The following SNTG1 variants were observed in gnomAD, a reference collection of about 807,000 sequenced individuals.
SNTG1 encodes the protein syntrophin gamma 1, also known as gamma-1-syntrophin.
Under a neutral mutation model 74.7 loss-of-function variants are expected in SNTG1, and 39 were observed. The observed-to-expected ratio is 0.52, with a 90% CI of 0.40 to 0.68. SNTG1 has a LOEUF of 0.68. SNTG1 is among the 30% of genes least tolerant of loss of function. SNTG1 has a pLI of 0.00. For synonymous variants in SNTG1, 254 were observed against 217.1 expected, an observed-to-expected ratio of 1.17 and a Z score of -1.49; for missense variants, 685 against 609.5, an observed-to-expected ratio of 1.12 and a Z score of -1.30.
chr8:50,566,291 T>TC (rs1293059735), intron 12 of SNTG1, among the ~76,000 whole-genome samples: 1 of 151,888 alleles, frequency 6.6e-6, no homozygotes, highest in African/African-American at 2.4e-5. Flanking sequence ...CTGCATATAG[T>TC]CCCAAAACAA....
At position 50,621,323 on chromosome 8, in the gene SNTG1, C is replaced by G. The variant is rs142950200; in HGVS notation, c.849+30406C>G. ...CCACATGGCTGGGCTGTCACTACCC[C>G]AAGATACGGCCTTACAAGCACAAAG... On this transcript the variant is annotated intron_variant, in intron 13 of 18. Coordinates refer to ENST00000642720, the MANE Select transcript of SNTG1 (RefSeq NM_018967.5). Among the ~76,000 whole-genome samples, 830 of 152,194 alleles carry G rather than the reference C, an allele frequency of 5.5e-3. 7 individuals are homozygous for G. The highest frequency in any genetic ancestry group is 0.019 in the African/African-American group (777 of 41,516).
chr8:49,966,439 G>A (rs575794125), intron 1 of SNTG1, among the ~76,000 whole-genome samples: 21 of 150,004 alleles, frequency 1.4e-4, no homozygotes, highest in Non-Finnish European at 2.7e-4. Context: ...CTGTTCCTCA[G>A]GCTTGAGTGC....
chr8:50,083,218 T>G, intron 1 of SNTG1, among the ~76,000 whole-genome samples: 1 of 152,230 alleles, frequency 6.6e-6, no homozygotes, highest in East Asian at 1.9e-4. Flanking sequence ...TTATGACTTT[T>G]GTTAAATCCC....
chr8:50,087,928 C>A (rs1369105611), intron 1 of SNTG1, among the ~76,000 whole-genome samples: 1 of 108,824 alleles, frequency 9.2e-6, no homozygotes, highest in Admixed American at 1.1e-4. Flanking sequence ...TTATCCCTCC[C>A]CCCTCCCCCC....
chr8:49,910,437 C>A (rs1349439869), upstream of SNTG1, among the ~76,000 whole-genome samples: 1 of 152,200 alleles, frequency 6.6e-6, no homozygotes, highest in Non-Finnish European at 1.5e-5. Flanking sequence ...CAGTCTCGCT[C>A]TTTCCATTTT....
At chr8:50,090,040 G>T (rs1016102322) in intron 1 of SNTG1, among the ~76,000 whole-genome samples, 1 of 152,234 alleles carries the variant, frequency 6.6e-6, no homozygotes, top group East Asian at 1.9e-4. Flanking sequence ...GGCTAGGGCC[G>T]TAAGAGTGTC....
Position 49,916,207 on chromosome 8 carries a change from AC to A in SNTG1, c.-103+3977del, listed in dbSNP as rs1450373173. Among the ~76,000 whole-genome samples the A allele has an allele frequency of 2.8e-3, 426 of 151,864 alleles. 5 individuals are homozygous for A. Among genetic ancestry groups the A allele is most frequent in the Non-Finnish European group, 3.0e-3 (201 of 67,942 alleles). ...TTTTGTCAAATACACACACACACAC[AC>A]AAAAACCCAGAAACAGTCAAAAACA... On this transcript the variant is annotated intron_variant, in intron 1 of 18. Transcript: ENST00000642720.
At chr8:49,995,102 T>A (rs894909249) in intron 1 of SNTG1, among the ~76,000 whole-genome samples, 8 of 152,050 alleles carry the variant, frequency 5.3e-5, no homozygotes, top group Non-Finnish European at 1.0e-4. Context: ...ATGAAGATAA[T>A]AATGAAATAA....
Position 50,406,436 on chromosome 8 carries a change from G to A in SNTG1, c.162+4092G>A, listed in dbSNP as rs188056628. On this transcript the variant is annotated intron_variant, in intron 4 of 18. Transcript: ENST00000642720. Reference sequence around the variant, plus strand: ...TTTATTAGTTCTAATAGTTTATTGCGGAATGTTTATGGTTTTCTACATATA... The same window carrying A: ...TTTATTAGTTCTAATAGTTTATTGCAGAATGTTTATGGTTTTCTACATATA... Among the ~76,000 whole-genome samples, 107 of 151,926 alleles carry A rather than the reference G, an allele frequency of 7.0e-4. 1 individual carries two copies. In the East Asian group the frequency reaches 0.011, roughly 15 times the overall value.
intron 2 of SNTG1, among the ~76,000 whole-genome samples, chr8:50,191,320 G>A (rs2083565976): frequency 6.6e-6 from 1 of 152,108 alleles, no homozygotes. Flanking sequence ...ATCAGAAGCA[G>A]TATTGAAGGG....
At chr8:50,287,496 A>T (rs941309635) in intron 2 of SNTG1, among the ~76,000 whole-genome samples, 3 of 152,156 alleles carry the variant, frequency 2.0e-5, no homozygotes, top group Admixed American at 2.0e-4. Flanking sequence ...AGGTTTCCCA[A>T]CAAGCACAAA....
chr8:49,963,611 C>T (rs1017207127), intron 1 of SNTG1, among the ~76,000 whole-genome samples: 2 of 152,292 alleles, frequency 1.3e-5, no homozygotes, highest in Admixed American at 6.5e-5. Flanking sequence ...CTATATCTTG[C>T]TCCTCTCCAT....
chr8:50,241,004 A>G (rs988311702), intron 2 of SNTG1, among the ~76,000 whole-genome samples: 21 of 152,196 alleles, frequency 1.4e-4, no homozygotes, highest in African/African-American at 5.1e-4. Flanking sequence ...AATTCAAACA[A>G]TGTCCACTAT....
chr8:50,661,323 T>C (rs1356976443), intron 15 of SNTG1, among the ~76,000 whole-genome samples: 8 of 152,202 alleles, frequency 5.3e-5, no homozygotes, highest in Non-Finnish European at 1.0e-4. Context: ...GTCTAAATTC[T>C]GAGCTTTGGA....
intron 8 of SNTG1, among the ~76,000 whole-genome samples, chr8:50,474,660 T>C (rs2093681426): frequency 1.3e-5 from 2 of 152,082 alleles, no homozygotes; most frequent in African/African-American, 4.8e-5. Flanking sequence ...GTTGTGGAAG[T>C]CGGTGTGGCA....
At chr8:50,117,073 G>A (rs911439716) in intron 1 of SNTG1, among the ~76,000 whole-genome samples, 2 of 151,772 alleles carry the variant, frequency 1.3e-5, no homozygotes, top group African/African-American at 2.4e-5. Context: ...TTAACATCAC[G>A]GTTTACATTT....
At chr8:50,789,993 T>C (rs2095686429) in intron 18 of SNTG1, among the ~76,000 whole-genome samples, 1 of 151,980 alleles carries the variant, frequency 6.6e-6, no homozygotes, top group Non-Finnish European at 1.5e-5. Context: ...GCCTTTAAAA[T>C]TATAATTCTT....
intron 1 of SNTG1, among the ~76,000 whole-genome samples, chr8:50,131,146 T>A (rs2081303458): frequency 6.6e-6 from 1 of 152,114 alleles, no homozygotes; most frequent in African/African-American, 2.4e-5. Flanking sequence ...TCAAATAATG[T>A]AAAATATGTG....
At chr8:50,787,986 A>G (rs1373105643) in intron 18 of SNTG1, among the ~76,000 whole-genome samples, 2 of 152,084 alleles carry the variant, frequency 1.3e-5, no homozygotes, top group East Asian at 3.9e-4. Context: ...TGAGTATTAT[A>G]GTATGTGAAC....
Sources: gnomAD v4.1 joint callset for allele counts (sites outside exome capture counted in the v4.1 genomes callset) on GRCh38, gnomAD v4.1.1 for gene constraint, MANE v1.5 for transcripts, NCBI Gene and HGNC (gene_info 2026-07-23, HGNC 2026-07-21) for gene names.